The following CFAP43 variants were observed in gnomAD, a reference collection of about 807,000 sequenced individuals.
CFAP43 encodes cilia and flagella associated protein 43, also known as cilia- and flagella-associated protein 43.
CFAP43 carries 155 observed loss-of-function variants against 218.9 expected under a neutral mutation model. The ratio of observed to expected loss-of-function variants is 0.71; its 90% CI spans 0.62 to 0.81. CFAP43 has a LOEUF of 0.81. CFAP43 is among the 30% of genes least tolerant of loss of function. The pLI is 0.00. For missense variants in CFAP43, 1,778 were observed against 1,954.3 expected, an observed-to-expected ratio of 0.91 and a Z score of 1.70; for synonymous variants, 645 against 681.3, an observed-to-expected ratio of 0.95 and a Z score of 0.83.
intron 20 of CFAP43, among the ~76,000 whole-genome samples, chr10:104,171,070 A>G (rs1454001710): frequency 6.6e-6 from 1 of 152,134 alleles, no homozygotes; most frequent in African/African-American, 2.4e-5. Context: ...CAGCCCTTGA[A>G]GTGGTTTTCT....
intron 2 of CFAP43, among the ~76,000 whole-genome samples, chr10:104,228,901 T>C (rs968582056): frequency 6.6e-6 from 1 of 152,192 alleles, no homozygotes; most frequent in Non-Finnish European, 1.5e-5. Context: ...ACTTCCAGGT[T>C]GATATTAAAT....
chr10:104,158,802 A>C (rs2088715379), intron 27 of CFAP43, among the ~76,000 whole-genome samples: 1 of 152,168 alleles, frequency 6.6e-6, no homozygotes. Context: ...TGTAATATTT[A>C]GGAATATCAT....
At chr10:104,150,051 C>T (rs1252651149) in intron 28 of CFAP43, among the ~76,000 whole-genome samples, 2 of 152,110 alleles carry the variant, frequency 1.3e-5, no homozygotes, top group African/African-American at 4.8e-5. Flanking sequence ...AATATGTGGC[C>T]TTTGTTGTCT....
chr10:104,191,790 G>GC (rs1045686520), intron 12 of CFAP43, among the ~76,000 whole-genome samples: 2 of 35,448 alleles, frequency 5.6e-5, no homozygotes, highest in East Asian at 6.1e-4. Flanking sequence ...TTGTGTGTGT[G>GC]GGGGGGGGGA....
chr10:104,217,075 C>G (rs1340958610), intron 3 of CFAP43, among the ~76,000 whole-genome samples: 1 of 152,214 alleles, frequency 6.6e-6, no homozygotes, highest in African/African-American at 2.4e-5. Flanking sequence ...ATCTCCAGCC[C>G]TCTCTCCTGA....
At chr10:104,229,400 C>T (rs1210537502) in intron 2 of CFAP43, among the ~76,000 whole-genome samples, 2 of 151,948 alleles carry the variant, frequency 1.3e-5, no homozygotes. Context: ...CGCCTGTAAT[C>T]CCAGCACTTT....
rs759620862 is a variant in CFAP43, at chr10:104,162,032, T to C, written c.3343A>G (p.Thr1115Ala). 1 of 1,613,142 alleles carries C rather than the reference T, an allele frequency of 6.2e-7. No individual in the cohort carries two copies. The highest frequency in any genetic ancestry group is 8.5e-7 in the Non-Finnish European group (1 of 1,179,814). ...EHWLLIQDAS[T>A]RLRALMDMMG... ...ATGTCCATCAGAGCTCGGAGTCTTGTACTGGCATCCTGGGAAAGAGCCAGA... is the reference window on the plus strand; with the variant it reads ...ATGTCCATCAGAGCTCGGAGTCTTGCACTGGCATCCTGGGAAAGAGCCAGA... Residue 1115 changes from threonine to alanine, a missense_variant, in exon 26 of 38, where the codon ACA (threonine) becomes GCA (alanine). Around this residue, in one of 3 missense-constraint regions of CFAP43, gnomAD observed 1,553 missense variants for 1,685.2 expected, o/e 0.92. Coordinates refer to ENST00000357060, the MANE Select transcript of CFAP43 (RefSeq NM_025145.7).
At chr10:104,150,437 C>A (rs543355560) in intron 28 of CFAP43, among the ~76,000 whole-genome samples, 1 of 152,288 alleles carries the variant, frequency 6.6e-6, no homozygotes, top group South Asian at 2.1e-4. Context: ...ATGGTACTGG[C>A]CTCCCATTGT....
intron 2 of CFAP43, among the ~76,000 whole-genome samples, chr10:104,229,417 C>G (rs577048743): frequency 1.4e-5 from 2 of 147,876 alleles, no homozygotes; most frequent in South Asian, 2.2e-4. Context: ...CTTTGGGAGG[C>G]GGAGGTGGGT....
chr10:104,210,919 T>C (rs1245254756), intron 5 of CFAP43, among the ~76,000 whole-genome samples: 1 of 149,872 alleles, frequency 6.7e-6, no homozygotes, highest in Non-Finnish European at 1.5e-5. Flanking sequence ...GCCTCCCAAG[T>C]AGCTGGGATT....
chr10:104,175,007 A>G (rs1432950128), intron 19 of CFAP43, among the ~76,000 whole-genome samples: 3 of 152,064 alleles, frequency 2.0e-5, no homozygotes, highest in African/African-American at 7.2e-5. Context: ...GTGAGCCGAG[A>G]TCATGCCAAT....
At position 104,230,578 on chromosome 10, in the gene CFAP43, T is replaced by A. The variant is rs943959665; in HGVS notation, c.319+12A>T. 6.2e-7 allele frequency: 1 copy of A among 1,610,190 alleles called. No individual in the cohort carries two copies. Among genetic ancestry groups the A allele is most frequent in the Non-Finnish European group, 8.5e-7 (1 of 1,178,586 alleles). Reference sequence around the variant, plus strand: ...CTTCAATTATGGGCAGAGGAAGGGTTCTCTAGAATACCTTTCAATTTGGTC... The same window carrying A: ...CTTCAATTATGGGCAGAGGAAGGGTACTCTAGAATACCTTTCAATTTGGTC... On this transcript the variant is annotated intron_variant, in intron 2 of 37. Coordinates refer to ENST00000357060, the MANE Select transcript of CFAP43 (RefSeq NM_025145.7).
At chr10:104,229,167 CACAA>C (rs1325506862) in intron 2 of CFAP43, among the ~76,000 whole-genome samples, 2 of 152,098 alleles carry the variant, frequency 1.3e-5, no homozygotes, top group African/African-American at 4.8e-5. Context: ...CAAATTTCAC[CACAA>C]ACAAAGTATT....
intron 13 of CFAP43, among the ~76,000 whole-genome samples, chr10:104,188,055 C>G (rs1268347785): frequency 1.3e-5 from 2 of 152,158 alleles, no homozygotes; most frequent in Non-Finnish European, 2.9e-5. Context: ...TATCTCTTTT[C>G]CTATGGTAAT....
chr10:104,145,715 T>C, intron 30 of CFAP43, 151 bp from the exon 31 acceptor site: 1 of 492,712 alleles, frequency 2.0e-6, no homozygotes, highest in East Asian at 2.9e-5. Context: ...AACCATTCTC[T>C]GTGCAATGAT....
In CFAP43 at chr10:104,140,732, G is replaced by C. The variant is rs935620508; in HGVS notation, c.4431+110C>G. The C allele has an allele frequency of 7.6e-6, 6 of 788,436 alleles. No individual in the cohort carries two copies. The African/African-American group carries it at 1.1e-4, about 14-fold the overall frequency. The allele number at this position is 788,436 out of a possible 1,614,324, so 48.8% of individuals were successfully genotyped here. A position where few individuals can be genotyped will look rare whatever the true frequency, so the allele number is the denominator to read the frequency against. On this transcript the variant is annotated intron_variant, in intron 34 of 37. Transcript: ENST00000357060. ...GGAGGTGAAGGTGGGAGGATCTATT[G>C]AGCCTAGCTAAGGGTTAAGGCTGCA... is the stretch of plus-strand genomic sequence containing the variant.
At position 104,182,383 on chromosome 10, in the gene CFAP43, A is replaced by T. The variant is rs143540068; in HGVS notation, c.2272T>A (p.Ser758Thr). ...TTPKVSVDLG[S>T]DSEHTKQKAS... ...AACTCAACTGTGTGTTCAGAATCGG[A>T]TCCCAAATCTACGGAAACTTTTGGT... is the stretch of plus-strand genomic sequence containing the variant. The change falls in exon 17 of 38, where the codon TCC becomes ACC. Residue 758 changes from serine to threonine, a missense_variant. By Grantham distance (58) the Ser-to-Thr change is moderately conservative. Transcript: ENST00000357060. The T allele has an allele frequency of 2.2e-5, 35 of 1,607,492 alleles. No individual in the cohort carries two copies. Among genetic ancestry groups the T allele is most frequent in the African/African-American group, 2.7e-5 (2 of 74,474 alleles).
intron 20 of CFAP43, among the ~76,000 whole-genome samples, chr10:104,172,154 G>A (rs568236000): frequency 5.9e-5 from 9 of 152,310 alleles, no homozygotes; most frequent in Non-Finnish European, 1.3e-4. Context: ...ATGTTCAAAC[G>A]TATGGCTGGC....
chr10:104,198,756 T>G (rs1272419526), intron 8 of CFAP43, among the ~76,000 whole-genome samples: 3 of 152,032 alleles, frequency 2.0e-5, no homozygotes, highest in African/African-American at 7.2e-5. Flanking sequence ...GTTCAAGAGA[T>G]TCTCCTGCCT....
Sources: gnomAD v4.1 joint callset for allele counts (sites outside exome capture counted in the v4.1 genomes callset) on GRCh38, gnomAD v4.1.1 for gene constraint, gnomAD v4.1.1 regional missense constraint, MANE v1.5 for transcripts, NCBI Gene and HGNC (gene_info 2026-07-23, HGNC 2026-07-21) for gene names.